Variants in RBFOX1 observed in about 807,000 individuals in gnomAD.
The protein encoded by RBFOX1 is RNA binding fox-1 homolog 1.
RBFOX1 carries 8 observed loss-of-function variants against 57.7 expected under a neutral mutation model. The ratio of observed to expected loss-of-function variants is 0.14; its 90% CI spans 0.08 to 0.25. RBFOX1 has a LOEUF of 0.25. Among genes scored for constraint, RBFOX1 ranks in the 10% least tolerant of loss-of-function variants. The pLI, the probability that RBFOX1 is intolerant of heterozygous loss-of-function variation, is 1.00. For synonymous variants in RBFOX1, 326 were observed against 222.4 expected (o/e 1.47, Z -4.15); for missense variants, 611 against 548.5 (o/e 1.11, Z -1.14).
chr16:6,048,816 T>C (rs890062114), intron 1 of RBFOX1, among the ~76,000 whole-genome samples: 5 of 152,164 alleles, frequency 3.3e-5, no homozygotes, highest in African/African-American at 1.2e-4. Context: ...TTTAAAGACA[T>C]AGCGTTATTC....
At chr16:6,314,126 C>T (rs1049731646) in intron 1 of RBFOX1, among the ~76,000 whole-genome samples, 24 of 152,004 alleles carry the variant, frequency 1.6e-4, no homozygotes, top group Non-Finnish European at 2.9e-4. Flanking sequence ...TACGGTAGCA[C>T]CAAAGAAGGC....
At chr16:7,502,118 T>C (rs1330814064) in intron 4 of RBFOX1, among the ~76,000 whole-genome samples, 1 of 152,120 alleles carries the variant, frequency 6.6e-6, no homozygotes, top group Admixed American at 6.5e-5. Flanking sequence ...GCTGGCAAAC[T>C]ATGAGAGGCT....
intron 2 of RBFOX1, among the ~76,000 whole-genome samples, chr16:5,568,013 T>G (rs1157046472): frequency 6.6e-6 from 1 of 152,214 alleles, no homozygotes; most frequent in African/African-American, 2.4e-5. Context: ...TGAACTGATC[T>G]GCTCTATAGC....
chr16:5,791,478 C>T (rs183283814), intron 3 of RBFOX1, among the ~76,000 whole-genome samples: 1 of 152,198 alleles, frequency 6.6e-6, no homozygotes, highest in Admixed American at 6.5e-5. Context: ...GCCAGGAGGG[C>T]TGGGTAATGG....
intron 4 of RBFOX1, among the ~76,000 whole-genome samples, chr16:7,450,535 CAGATGAAGATACT>C: frequency 6.6e-6 from 1 of 151,938 alleles, no homozygotes; most frequent in African/African-American, 2.4e-5. Context: ...ACTTAGGTTA[CAGATGAAGATACT>C]ATGGCCCAGG....
chr16:7,177,074 G>A (rs931168048), intron 4 of RBFOX1, among the ~76,000 whole-genome samples: 7 of 152,210 alleles, frequency 4.6e-5, no homozygotes, highest in African/African-American at 1.7e-4. Context: ...GACATTGCCT[G>A]TCATAAAAAG....
At chr16:7,626,982 C>A (rs892214267) in intron 10 of RBFOX1, among the ~76,000 whole-genome samples, 9 of 151,942 alleles carry the variant, frequency 5.9e-5, no homozygotes, top group Non-Finnish European at 1.2e-4. Context: ...AGTAGAGGAC[C>A]ACGAAGGATC....
chr16:7,062,986 A>C (rs1394770802), intron 4 of RBFOX1, among the ~76,000 whole-genome samples: 1 of 141,118 alleles, frequency 7.1e-6, no homozygotes, highest in Non-Finnish European at 1.5e-5. Context: ...CTACTGATAC[A>C]CTGGGGAAAT....
At chr16:6,007,306 G>T (rs1358374648) in intron 4 of RBFOX1, among the ~76,000 whole-genome samples, 1 of 152,188 alleles carries the variant, frequency 6.6e-6, no homozygotes, top group East Asian at 1.9e-4. Context: ...GCTCTAAGGG[G>T]ATCCAGCTAC....
chr16:6,039,363 A>AC (rs2095411353), intron 1 of RBFOX1, among the ~76,000 whole-genome samples: 1 of 149,234 alleles, frequency 6.7e-6, no homozygotes, highest in African/African-American at 2.5e-5. Flanking sequence ...AAAAAAAAAA[A>AC]AACAGAACAA....
chr16:5,482,985 A>G (rs2069597587), intron 2 of RBFOX1, among the ~76,000 whole-genome samples: 1 of 152,196 alleles, frequency 6.6e-6, no homozygotes, highest in East Asian at 1.9e-4. Context: ...TTTTCTCTGA[A>G]TAGGGACCTT....
At chr16:6,148,156 C>G (rs188361253) in intron 1 of RBFOX1, among the ~76,000 whole-genome samples, 1 of 152,140 alleles carries the variant, frequency 6.6e-6, no homozygotes, top group African/African-American at 2.4e-5. Flanking sequence ...TGGTGAAACC[C>G]GTCTCTACTA....
At chr16:6,778,125 C>T (rs1410494004) in intron 3 of RBFOX1, among the ~76,000 whole-genome samples, 1 of 151,634 alleles carries the variant, frequency 6.6e-6, no homozygotes, top group Non-Finnish European at 1.5e-5. Context: ...TCTGGATGCG[C>T]AGTGCGATTA....
intron 4 of RBFOX1, among the ~76,000 whole-genome samples, chr16:7,110,605 G>T (rs559126720): frequency 6.6e-6 from 1 of 152,276 alleles, no homozygotes; most frequent in South Asian, 2.1e-4. Flanking sequence ...GATTAGTGTA[G>T]TTGCTCTGGT....
intron 2 of RBFOX1, among the ~76,000 whole-genome samples, chr16:5,573,164 ATGAAGATTGGAGGTTTGGAGGAAGAC>A (rs1223640158): frequency 2.6e-5 from 4 of 152,166 alleles, no homozygotes; most frequent in Admixed American, 2.0e-4. Context: ...GGAGGACATA[ATGAAGATTGGAGGTTTGGAGGAAGAC>A]TGTTAGGGTT....
chr16:5,666,558 A>G (rs147228129), intron 3 of RBFOX1, among the ~76,000 whole-genome samples: 12 of 152,326 alleles, frequency 7.9e-5, no homozygotes, highest in Admixed American at 2.6e-4. Context: ...GATAGATGAT[A>G]TATTAAATAC....
chr16:5,726,818 A>C (rs1375916297), intron 3 of RBFOX1, among the ~76,000 whole-genome samples: 2 of 152,196 alleles, frequency 1.3e-5, no homozygotes, highest in Admixed American at 6.5e-5. Flanking sequence ...TTACACATTG[A>C]ATCTTCTCCT....
At chr16:6,050,687 T>C (rs1294116563) in intron 1 of RBFOX1, among the ~76,000 whole-genome samples, 1 of 152,136 alleles carries the variant, frequency 6.6e-6, no homozygotes, top group Non-Finnish European at 1.5e-5. Flanking sequence ...TTCATGGAGT[T>C]ACCGGAGTAC....
chr16:6,664,981 T>A (rs577264156), intron 3 of RBFOX1, among the ~76,000 whole-genome samples: 1 of 152,326 alleles, frequency 6.6e-6, no homozygotes, highest in African/African-American at 2.4e-5. Context: ...TGTTCTTGTG[T>A]GCCGCATTAG....
Sources: allele counts gnomAD v4.1 joint callset (sites outside exome capture counted in the v4.1 genomes callset), GRCh38; gene constraint gnomAD v4.1.1; transcripts MANE v1.5; gene names NCBI Gene and HGNC (gene_info 2026-07-23, HGNC 2026-07-21).